The following PRKCH variants were observed in gnomAD, a reference collection of about 807,000 sequenced individuals.
PRKCH encodes protein kinase C eta, also known as protein kinase C eta type.
Under a neutral mutation model 82.5 loss-of-function variants are expected in PRKCH, and 28 were observed. The ratio of observed to expected loss-of-function variants is 0.34; its 90% confidence interval spans 0.25 to 0.47. The LOEUF (loss-of-function observed/expected upper bound fraction) is 0.47. Among genes scored for constraint, PRKCH ranks in the 20% least tolerant of loss-of-function variants. The pLI, the probability that PRKCH is intolerant of heterozygous loss-of-function variation, is 1.00. For synonymous variants in PRKCH, 322 were observed against 327.4 expected (o/e 0.98, Z 0.18); for missense variants, 705 against 881.8 (o/e 0.80, Z 2.54).
intron 1 of PRKCH, among the ~76,000 whole-genome samples, chr14:61,224,537 T>C (rs1374201656): frequency 6.6e-6 from 1 of 152,208 alleles, no homozygotes; most frequent in Non-Finnish European, 1.5e-5. Context: ...TTGACAGTCC[T>C]GAGGAGTGCT....
chr14:61,376,473 A>G (rs967838771), intron 1 of PRKCH, among the ~76,000 whole-genome samples: 2 of 152,082 alleles, frequency 1.3e-5, no homozygotes, highest in African/African-American at 4.8e-5. Flanking sequence ...ATTTTTAAAA[A>G]CCAGAGTCAT....
chr14:61,283,392 T>G (rs1231484348), intron 1 of PRKCH, among the ~76,000 whole-genome samples: 1 of 152,152 alleles, frequency 6.6e-6, no homozygotes, highest in African/African-American at 2.4e-5. Flanking sequence ...CAGCTGAGGG[T>G]TCAAGTGAGA....
chr14:61,295,647 A>G (rs990373676), intron 1 of PRKCH, among the ~76,000 whole-genome samples: 1 of 152,244 alleles, frequency 6.6e-6, no homozygotes, highest in Non-Finnish European at 1.5e-5. Flanking sequence ...GTTGGTCTCC[A>G]TAGCATCTAG....
Position 61,450,831 on chromosome 14 carries a change from C to T in PRKCH, c.703-11C>T, listed in dbSNP as rs762147758. ...ATTTTAGCTCTTGTCCCTTTATTTCCTTTTTTACAGATTGCAGAACAGAGG... is the reference window on the plus strand; with the variant it reads ...ATTTTAGCTCTTGTCCCTTTATTTCTTTTTTTACAGATTGCAGAACAGAGG... On this transcript the variant is annotated splice_polypyrimidine_tract_variant and intron_variant, in intron 5 of 13. Coordinates refer to ENST00000332981, the MANE Select transcript of PRKCH (RefSeq NM_006255.5). 3 of 1,611,030 alleles carry T rather than the reference C, an allele frequency of 1.9e-6. No homozygotes were observed. The highest frequency in any genetic ancestry group is 2.7e-5 in the African/African-American group (2 of 74,734).
In PRKCH at chr14:61,284,574, C is replaced by T. The variant is rs1312425154; in HGVS notation, c.-19+96906C>T. 2.0e-5 allele frequency among the ~76,000 whole-genome samples: 3 copies of T among 152,096 alleles called. No homozygotes were observed. The East Asian group carries it at 5.8e-4, about 29-fold the overall frequency. On this transcript the variant is annotated intron_variant, in intron 1 of 3. Coordinates refer to the PRKCH transcript ENST00000555185. ...CTCGTAAGTTCCGAGAGGTGGAAGA[C>T]TGATATAGATATACATTGTCGTGTT...
Position 61,339,417 on chromosome 14 carries a change from G to A in PRKCH, c.363+16953G>A, listed in dbSNP as rs540128158. ...CAGCTCACTGCAAGCTTTGCCTCCC[G>A]GGTTCACGCCATTCTCCTGCCTCAG... On this transcript the variant is annotated intron_variant, in intron 1 of 13. Transcript: ENST00000332981. 8.1e-5 allele frequency among the ~76,000 whole-genome samples: 12 copies of A among 148,950 alleles called. No homozygotes were observed. The South Asian group carries it at 1.8e-3, about 22-fold the overall frequency.
intron 2 of PRKCH, among the ~76,000 whole-genome samples, chr14:61,429,836 G>C (rs1317948929): frequency 6.6e-6 from 1 of 152,102 alleles, no homozygotes; most frequent in Non-Finnish European, 1.5e-5. Flanking sequence ...ATAAAAACTT[G>C]GCAGAAGTGT....
At position 61,375,761 on chromosome 14, in the gene PRKCH, G is replaced by A. The variant is rs148490440; in HGVS notation, c.364-15464G>A. 5.3e-5 allele frequency among the ~76,000 whole-genome samples: 8 copies of A among 152,108 alleles called. No homozygotes were observed. The East Asian group carries it at 9.6e-4, about 18-fold the overall frequency. ...CCCCAACATGACTGGATTACAATTC[G>A]AGATGAGATTTAGGTGTGAACACAG... is the stretch of plus-strand genomic sequence containing the variant. On this transcript the variant is annotated intron_variant, in intron 1 of 13. Transcript: ENST00000332981.
intron 1 of PRKCH, among the ~76,000 whole-genome samples, chr14:61,228,040 G>T (rs2044711376): frequency 6.6e-6 from 1 of 152,120 alleles, no homozygotes; most frequent in African/African-American, 2.4e-5. Context: ...TCTGCAGGGA[G>T]TATCCATTTA....
intron 10 of PRKCH, among the ~76,000 whole-genome samples, chr14:61,514,314 T>TAAAAA (rs546556676): frequency 7.6e-6 from 1 of 132,132 alleles, no homozygotes; most frequent in Non-Finnish European, 1.6e-5. Context: ...TCTTCTCCTT[T>TAAAAA]AAAAAAAAAA....
At chr14:61,283,946 A>G (rs977024310) in intron 1 of PRKCH, among the ~76,000 whole-genome samples, 1 of 152,264 alleles carries the variant, frequency 6.6e-6, no homozygotes, top group Non-Finnish European at 1.5e-5. Flanking sequence ...CTAGAAGAGC[A>G]TGTATCCTAA....
intron 1 of PRKCH, among the ~76,000 whole-genome samples, chr14:61,365,711 T>G (rs2046289537): frequency 6.6e-6 from 1 of 152,058 alleles, no homozygotes; most frequent in South Asian, 2.1e-4. Context: ...CCTCCTACTA[T>G]GTACCAGGTG....
At chr14:61,492,233 C>T (rs1157799965) in intron 10 of PRKCH, 1 of 152,260 alleles carries the variant, frequency 6.6e-6, no homozygotes, top group African/African-American at 2.4e-5. Flanking sequence ...TTTTATTAAA[C>T]ACTCCTTGTA....
chr14:61,338,361 T>C (rs748477656), intron 1 of PRKCH, among the ~76,000 whole-genome samples: 9 of 152,058 alleles, frequency 5.9e-5, no homozygotes, highest in Non-Finnish European at 2.9e-5. Context: ...ACAGATTTAC[T>C]TTTTTTTGGT....
At chr14:61,506,431 G>A (rs1489996882) in intron 10 of PRKCH, among the ~76,000 whole-genome samples, 1 of 152,102 alleles carries the variant, frequency 6.6e-6, no homozygotes, top group Non-Finnish European at 1.5e-5. Flanking sequence ...GTCCTGGCCA[G>A]TCCAGGGATG....
chr14:61,350,783 A>C (rs569649784), intron 1 of PRKCH, among the ~76,000 whole-genome samples: 2 of 152,288 alleles, frequency 1.3e-5, no homozygotes, highest in South Asian at 4.1e-4. Context: ...TTAGACCCTC[A>C]TCTAACCCAG....
chr14:61,316,234 C>T (rs1203725389), intron 1 of PRKCH, among the ~76,000 whole-genome samples: 2 of 152,118 alleles, frequency 1.3e-5, no homozygotes, highest in Non-Finnish European at 2.9e-5. Flanking sequence ...AAAGCCTGTG[C>T]CATTTTATAG....
chr14:61,213,006 G>A (rs567918843), intron 1 of PRKCH, among the ~76,000 whole-genome samples: 1 of 152,260 alleles, frequency 6.6e-6, no homozygotes, highest in African/African-American at 2.4e-5. Context: ...ATGAGGGGTT[G>A]TCTTTCTCTG....
intron 10 of PRKCH, among the ~76,000 whole-genome samples, chr14:61,487,656 G>A (rs527286229): frequency 6.6e-6 from 1 of 152,056 alleles, no homozygotes; most frequent in African/African-American, 2.4e-5. Context: ...TACTTGACAG[G>A]GACTTCTGCT....
Sources: gnomAD v4.1 joint callset for allele counts (sites outside exome capture counted in the v4.1 genomes callset) on GRCh38, gnomAD v4.1.1 for gene constraint, MANE v1.5 for transcripts, NCBI Gene and HGNC (gene_info 2026-07-23, HGNC 2026-07-21) for gene names.